The following PLXNC1 variants were observed in gnomAD, a reference collection of about 807,000 sequenced individuals.
PLXNC1 encodes plexin C1.
Under a neutral mutation model 178.2 loss-of-function variants are expected in PLXNC1, and 75 were observed. The ratio of observed to expected loss-of-function variants is 0.42; its 90% CI spans 0.35 to 0.51. PLXNC1 has a LOEUF of 0.51. Among genes scored for constraint, PLXNC1 ranks in the 20% least tolerant of loss-of-function variants. PLXNC1 has a pLI of 0.02. For missense variants in PLXNC1, 1,503 were observed against 1,984.4 expected (o/e 0.76, Z 4.61); for synonymous variants, 790 against 779.9 (o/e 1.01, Z -0.22).
chr12:94,263,697 G>C (rs1318884762), intron 20 of PLXNC1, among the ~76,000 whole-genome samples: 1 of 152,164 alleles, frequency 6.6e-6, no homozygotes, highest in Non-Finnish European at 1.5e-5. Context: ...TTTCTCATGA[G>C]AATTAAATGT....
intron 8 of PLXNC1, among the ~76,000 whole-genome samples, 191 bp downstream of exon 8, chr12:94,226,898 C>T (rs1413005073): frequency 6.6e-6 from 1 of 152,134 alleles, no homozygotes; most frequent in Non-Finnish European, 1.5e-5. Context: ...TGGCGCATGC[C>T]TGTAATCCCA....
At chr12:94,203,957 TTCTC>T (rs1963217646) in intron 4 of PLXNC1, among the ~76,000 whole-genome samples, 1 of 152,212 alleles carries the variant, frequency 6.6e-6, no homozygotes, top group Admixed American at 6.5e-5. Context: ...TTCAGTCTCT[TTCTC>T]TTGTTCACAT....
At chr12:94,250,338 A>T (rs1368057098) in intron 14 of PLXNC1, among the ~76,000 whole-genome samples, 5 of 152,188 alleles carry the variant, frequency 3.3e-5, no homozygotes, top group African/African-American at 1.2e-4. Context: ...TCATGAATTT[A>T]GTCAGGACAG....
At chr12:94,207,014 A>C (rs1209688064) in intron 4 of PLXNC1, among the ~76,000 whole-genome samples, 1 of 152,194 alleles carries the variant, frequency 6.6e-6, no homozygotes, top group Non-Finnish European at 1.5e-5. Flanking sequence ...AAAATATGGG[A>C]GCTATAAGAT....
At position 94,176,086 on chromosome 12, in the gene PLXNC1, C is replaced by T. The variant is rs904841706; in HGVS notation, c.1204-5360C>T. On this transcript the variant is annotated intron_variant, in intron 2 of 30. Coordinates refer to ENST00000258526, the MANE Select transcript of PLXNC1 (RefSeq NM_005761.3). Reference sequence around the variant, plus strand: ...TATCCTGGAAGATAAAAATCCACATCGTGCCCAAGGATTGTGTGTGTGAAT... The same window carrying T: ...TATCCTGGAAGATAAAAATCCACATTGTGCCCAAGGATTGTGTGTGTGAAT... Among the ~76,000 whole-genome samples the T allele has an allele frequency of 8.5e-5, 13 of 152,296 alleles. No homozygotes were observed. In the East Asian group the frequency reaches 2.3e-3, roughly 27 times the overall value.
chr12:94,265,070 T>G lies in PLXNC1; in HGVS notation c.3451-9T>G. The G allele has an allele frequency of 6.2e-7, 1 of 1,612,990 alleles. No homozygotes were observed. The highest frequency in any genetic ancestry group is 8.5e-7 in the Non-Finnish European group (1 of 1,179,208). On this transcript the variant is annotated splice_polypyrimidine_tract_variant and intron_variant, in intron 20 of 30. Transcript: ENST00000258526. The stretch of plus-strand genomic sequence containing the variant: ...GAAAGCTAACTGTCACTTTTGTGTC[T>G]TTTCCAAGGAGACTGTCGGAGAGCC...
chr12:94,178,965 T>G (rs1335760044), intron 2 of PLXNC1, among the ~76,000 whole-genome samples: 1 of 152,220 alleles, frequency 6.6e-6, no homozygotes, highest in Non-Finnish European at 1.5e-5. Flanking sequence ...ACAAAGCTGC[T>G]GCTGAATTTG....
intron 23 of PLXNC1, among the ~76,000 whole-genome samples, chr12:94,287,300 G>A (rs985935532): frequency 3.3e-5 from 5 of 152,196 alleles, no homozygotes; most frequent in South Asian, 2.1e-4. Context: ...TTCTGTGTGC[G>A]TTGACTATGA....
intron 9 of PLXNC1, among the ~76,000 whole-genome samples, chr12:94,232,631 G>A (rs1260837270): frequency 6.6e-6 from 1 of 152,308 alleles, no homozygotes; most frequent in South Asian, 2.1e-4. Context: ...GTGTGTGACT[G>A]CATGGAGCTT....
intron 12 of PLXNC1, among the ~76,000 whole-genome samples, chr12:94,244,979 T>C (rs1268256504): frequency 1.3e-5 from 2 of 152,194 alleles, no homozygotes; most frequent in Admixed American, 1.3e-4. Context: ...GGGCCCTGCC[T>C]GACCACTTCC....
chr12:94,257,357 G>C (rs879298858), intron 17 of PLXNC1, among the ~76,000 whole-genome samples: 6 of 152,182 alleles, frequency 3.9e-5, no homozygotes, highest in Non-Finnish European at 7.4e-5. Flanking sequence ...TTAAAGCCTT[G>C]CTTTTTATTT....
intron 11 of PLXNC1, among the ~76,000 whole-genome samples, chr12:94,242,109 G>A (rs1024581194): frequency 1.3e-5 from 2 of 151,884 alleles, no homozygotes; most frequent in African/African-American, 4.8e-5. Context: ...AGTTTGCTAG[G>A]GTGGACATAA....
intron 3 of PLXNC1, among the ~76,000 whole-genome samples, chr12:94,182,192 A>ATC (rs1274234176): frequency 6.6e-6 from 1 of 152,190 alleles, no homozygotes; most frequent in Non-Finnish European, 1.5e-5. Context: ...TCTTTGCATG[A>ATC]TCTCTGTCTA....
At position 94,194,550 on chromosome 12, in the gene PLXNC1, T is replaced by C. The variant is rs182937055; in HGVS notation, c.1439+8077T>C. Reference sequence around the variant, plus strand: ...GGGTGAATCACTTGAGCCCAGGAGTTCAAGACCAGCCTGGGCAACATGGTG... The same window carrying C: ...GGGTGAATCACTTGAGCCCAGGAGTCCAAGACCAGCCTGGGCAACATGGTG... On this transcript the variant is annotated intron_variant, in intron 4 of 30. Transcript: ENST00000258526. Among the ~76,000 whole-genome samples the C allele has an allele frequency of 2.6e-5, 4 of 152,218 alleles. No individual in the cohort carries two copies. The East Asian group carries it at 7.7e-4, about 29-fold the overall frequency.
chr12:94,233,625 G>C (rs999173897), intron 9 of PLXNC1, among the ~76,000 whole-genome samples: 1 of 152,188 alleles, frequency 6.6e-6, no homozygotes, highest in Non-Finnish European at 1.5e-5. Flanking sequence ...GGCATTTCCA[G>C]GGCCAACTGA....
chr12:94,225,275 T>C (rs1565818644), intron 7 of PLXNC1, among the ~76,000 whole-genome samples: 1 of 152,328 alleles, frequency 6.6e-6, no homozygotes, highest in East Asian at 1.9e-4. Context: ...TGACCAGTTA[T>C]GTGAGCACCA....
intron 23 of PLXNC1, among the ~76,000 whole-genome samples, chr12:94,283,727 G>A (rs1465331663): frequency 6.6e-6 from 1 of 152,092 alleles, no homozygotes; most frequent in Non-Finnish European, 1.5e-5. Flanking sequence ...AGTTCCTGGG[G>A]TGGGGGCCAC....
chr12:94,277,378 A>G (rs1348663304), intron 21 of PLXNC1, among the ~76,000 whole-genome samples: 1 of 152,206 alleles, frequency 6.6e-6, no homozygotes, highest in Non-Finnish European at 1.5e-5. Context: ...TTCAGATCAT[A>G]GCAGCATTAA....
At chr12:94,270,189 A>G (rs2136103909) in intron 21 of PLXNC1, among the ~76,000 whole-genome samples, 1 of 152,370 alleles carries the variant, frequency 6.6e-6, no homozygotes, top group East Asian at 1.9e-4. Context: ...CAAAGTTAGC[A>G]TTCCATTTGA....
Sources: gnomAD v4.1 joint callset for allele counts (sites outside exome capture counted in the v4.1 genomes callset) on GRCh38, gnomAD v4.1.1 for gene constraint, MANE v1.5 for transcripts, NCBI Gene and HGNC (gene_info 2026-07-23, HGNC 2026-07-21) for gene names.